NEO1: variants seen among roughly 807,000 people sequenced by gnomAD.
NEO1 encodes neogenin 1.
A neutral mutation model predicts 159.7 loss-of-function variants in NEO1; 63 were observed. The observed-to-expected ratio is 0.39, with a 90% confidence interval of 0.32 to 0.49. NEO1 has a LOEUF of 0.49. Ranked by LOEUF, NEO1 falls within the 20% of genes least tolerant of loss-of-function variation. The pLI, the probability that NEO1 is intolerant of heterozygous loss-of-function variation, is 0.85. For synonymous variants in NEO1, 633 were observed against 662.0 expected (o/e 0.96, Z 0.67); for missense variants, 1,615 against 1,831.0 (o/e 0.88, Z 2.15).
chr15:73,151,115 G>A (rs2033335978), intron 5 of NEO1, among the ~76,000 whole-genome samples: 1 of 152,136 alleles, frequency 6.6e-6, no homozygotes, highest in African/African-American at 2.4e-5. Context: ...ACATTTAGTG[G>A]TGTCAGTCAT....
chr15:73,203,598 T>C (rs1463751793), intron 7 of NEO1, among the ~76,000 whole-genome samples: 1 of 152,152 alleles, frequency 6.6e-6, no homozygotes, highest in African/African-American at 2.4e-5. Context: ...TATAATCTTA[T>C]CTCCTCTCTC....
intron 7 of NEO1, among the ~76,000 whole-genome samples, chr15:73,215,417 G>C (rs1012130225): frequency 6.6e-6 from 1 of 152,192 alleles, no homozygotes; most frequent in Admixed American, 6.5e-5. Flanking sequence ...CTGTGGGTTA[G>C]TCACAGATGG....
At position 73,093,605 on chromosome 15, in the gene NEO1, G is replaced by A. The variant is rs148481685; in HGVS notation, c.131-22935G>A. Among the ~76,000 whole-genome samples, 7 of 150,162 alleles carry A rather than the reference G, an allele frequency of 4.7e-5. No homozygotes were observed. In the East Asian group the frequency reaches 1.4e-3, roughly 29 times the overall value. The stretch of plus-strand genomic sequence containing the variant: ...TTTTTCTTTTTGGATACAAGGTCGT[G>A]CTCTGTCACCCAGGCTGGAGTGCAG... On this transcript the variant is annotated intron_variant, in intron 1 of 28. Coordinates refer to ENST00000261908, the MANE Select transcript of NEO1 (RefSeq NM_002499.4).
At position 73,207,415 on chromosome 15, in the gene NEO1, T is replaced by C. The variant is rs74351776; in HGVS notation, c.1292-28932T>C. Among the ~76,000 whole-genome samples the C allele has an allele frequency of 2.6e-4, 39 of 152,302 alleles. No individual in the cohort carries two copies. In the East Asian group the frequency reaches 7.5e-3, roughly 29 times the overall value. On this transcript the variant is annotated intron_variant, in intron 7 of 28. Coordinates refer to ENST00000261908, the MANE Select transcript of NEO1 (RefSeq NM_002499.4). Reference sequence around the variant, plus strand: ...AATTAACCTCAGTTCCTCACTCACCTGAAACTTCCTCCCTCAAGTTGATTT... The same window carrying C: ...AATTAACCTCAGTTCCTCACTCACCCGAAACTTCCTCCCTCAAGTTGATTT...
chr15:73,138,601 A>C (rs904047251), intron 5 of NEO1, among the ~76,000 whole-genome samples: 1 of 152,042 alleles, frequency 6.6e-6, no homozygotes, highest in African/African-American at 2.4e-5. Flanking sequence ...CTAAAAATAC[A>C]AAAAAATTAG....
At chr15:73,244,595 A>G in intron 9 of NEO1, 97 bp downstream of exon 9, 1 of 1,336,096 alleles carries the variant, frequency 7.5e-7, no homozygotes, top group Non-Finnish European at 1.0e-6. Flanking sequence ...AGCAGAAGAT[A>G]ACAGTTCCTT....
rs374360833 is a variant in NEO1, at chr15:73,254,668, T to A, written c.1945-14T>A. 1.3e-6 allele frequency: 2 copies of A among 1,588,446 alleles called. No individual in the cohort carries two copies. Among genetic ancestry groups the A allele is most frequent in the Non-Finnish European group, 1.7e-6 (2 of 1,171,140 alleles). The stretch of plus-strand genomic sequence containing the variant: ...ATATATTCAGCCTTTTTTCTATAAT[T>A]CTGTCTTGTGCAGAGTATTATGATT... On this transcript the variant is annotated splice_polypyrimidine_tract_variant and intron_variant, in intron 12 of 28. Transcript: ENST00000261908.
Position 73,295,125 on chromosome 15 carries a change from A to AATATATATATATATATATATATATATAT in NEO1, c.3901+1595_3901+1596insATATATATATATATATATATATATATAT, listed in dbSNP as rs10524460. ...AAGATCCCGTCTCTACTAAATATTA[A>AATATATATATATATATATATATATATAT]ATATATATATATATATATGTAAAAA... is the stretch of plus-strand genomic sequence containing the variant. On this transcript the variant is annotated intron_variant, in intron 26 of 28. Transcript: ENST00000261908. 1.9e-3 allele frequency among the ~76,000 whole-genome samples: 191 copies of AATATATATATATATATATATATATATAT among 99,960 alleles called. 2 individuals are homozygous for AATATATATATATATATATATATATATAT. Among genetic ancestry groups the AATATATATATATATATATATATATATAT allele is most frequent in the South Asian group, 6.3e-3 (21 of 3,320 alleles). 65.6% of individuals were successfully genotyped at this position (99,960 alleles called of 152,430 possible).
At chr15:73,265,681 A>T (rs2040852932) in intron 15 of NEO1, among the ~76,000 whole-genome samples, 1 of 152,038 alleles carries the variant, frequency 6.6e-6, no homozygotes, top group Admixed American at 6.6e-5. Context: ...ATTTGTTGTT[A>T]GTTCTGACAC....
chr15:73,193,179 G>A (rs2036333950), intron 7 of NEO1, among the ~76,000 whole-genome samples: 1 of 151,970 alleles, frequency 6.6e-6, no homozygotes, highest in South Asian at 2.1e-4. Context: ...AAACTAATTT[G>A]TTTTGTTAAC....
chr15:73,187,071 T>C (rs528173017), intron 7 of NEO1, among the ~76,000 whole-genome samples: 1 of 152,344 alleles, frequency 6.6e-6, no homozygotes, highest in African/African-American at 2.4e-5. Flanking sequence ...AATAAACTAT[T>C]GTAAGATTAT....
chr15:73,212,053 A>G (rs1310632834), intron 7 of NEO1, among the ~76,000 whole-genome samples: 2 of 152,216 alleles, frequency 1.3e-5, no homozygotes, highest in African/African-American at 4.8e-5. Flanking sequence ...GTATCGGGGT[A>G]CATGATATCA....
At chr15:73,101,405 G>A (rs1039399388) in intron 1 of NEO1, among the ~76,000 whole-genome samples, 11 of 152,150 alleles carry the variant, frequency 7.2e-5, no homozygotes, top group Admixed American at 3.3e-4. Flanking sequence ...ACGCTCTCAC[G>A]CGCACGCGTG....
intron 1 of NEO1, among the ~76,000 whole-genome samples, chr15:73,089,029 T>C (rs2069527042): frequency 1.3e-5 from 2 of 152,136 alleles, no homozygotes; most frequent in South Asian, 4.1e-4. Flanking sequence ...GTTCTGAGAA[T>C]GAAAAAGCTC....
chr15:73,207,405 C>T (rs1376341322), intron 7 of NEO1, among the ~76,000 whole-genome samples: 3 of 152,134 alleles, frequency 2.0e-5, no homozygotes, highest in Non-Finnish European at 2.9e-5. Flanking sequence ...ACCTCAGTTC[C>T]TCACTCACCT....
intron 1 of NEO1, among the ~76,000 whole-genome samples, chr15:73,069,318 G>A (rs2068414351): frequency 6.6e-6 from 1 of 151,768 alleles, no homozygotes; most frequent in African/African-American, 2.4e-5. Context: ...TGCGTTTTGG[G>A]GCAGTGCCAG....
intron 1 of NEO1, among the ~76,000 whole-genome samples, chr15:73,102,145 A>G (rs1595985878): frequency 1.3e-5 from 2 of 152,184 alleles, no homozygotes; most frequent in South Asian, 2.1e-4. Context: ...AGGCGGGCGG[A>G]TCATGAGGTC....
At chr15:73,246,323 A>G (rs113149240) in intron 9 of NEO1, among the ~76,000 whole-genome samples, 1 of 152,224 alleles carries the variant, frequency 6.6e-6, no homozygotes, top group Non-Finnish European at 1.5e-5. Context: ...CAAGAGGGCC[A>G]TCACAGAGTC....
chr15:73,288,609 C>CT (rs879110796), intron 24 of NEO1, 58 bp downstream of exon 24: 16,934 of 1,135,004 alleles, frequency 0.015, 1 homozygote, highest in Non-Finnish European at 0.017. Flanking sequence ...TCATTTAAAT[C>CT]TTTTTTTTTT....
Sources: allele counts gnomAD v4.1 joint callset (sites outside exome capture counted in the v4.1 genomes callset), GRCh38; gene constraint gnomAD v4.1.1; transcripts MANE v1.5; gene names NCBI Gene and HGNC (gene_info 2026-07-23, HGNC 2026-07-21).